The following ACTL6A variants were observed in gnomAD, a reference collection of about 807,000 sequenced individuals.
ACTL6A encodes actin like 6A.
Under a neutral mutation model 59.2 loss-of-function variants are expected in ACTL6A, and 5 were observed. That is an observed-to-expected ratio of 0.08 (90% CI 0.04 to 0.18). The LOEUF (loss-of-function observed/expected upper bound fraction) is 0.18. Ranked by LOEUF, ACTL6A falls within the 10% of genes least tolerant of loss-of-function variation. The pLI, the probability that ACTL6A is intolerant of heterozygous loss-of-function variation, is 1.00. For synonymous variants in ACTL6A, 154 were observed against 171.8 expected (o/e 0.90, Z 0.81); for missense variants, 285 against 526.9 (o/e 0.54, Z 4.49).
At chr3:179,574,493 C>T (rs1718107117) in intron 5 of ACTL6A, 26 bp downstream of exon 5, 1 of 1,422,838 alleles carries the variant, frequency 7.0e-7, no homozygotes, top group Non-Finnish European at 9.9e-7. Context: ...TAATACCTTT[C>T]CTCTTGAAGT....
intron 1 of ACTL6A, among the ~76,000 whole-genome samples, chr3:179,566,956 T>G (rs1184290794): frequency 6.6e-6 from 1 of 152,076 alleles, no homozygotes; most frequent in African/African-American, 2.4e-5. Context: ...CCCAAAGTGT[T>G]GGGCTTACAG....
In ACTL6A at chr3:179,588,088, C is replaced by A; in HGVS notation, c.*78C>A. On this transcript the variant is annotated 3_prime_UTR_variant, in exon 14 of 14. Coordinates refer to ENST00000429709, the MANE Select transcript of ACTL6A (RefSeq NM_004301.5). The stretch of plus-strand genomic sequence containing the variant: ...TTAGTATACTCAGGAAAAGAATGAC[C>A]ATCTTTTGTAGAATGTTTATACATT... The A allele has an allele frequency of 9.2e-7, 1 of 1,084,234 alleles. No individual in the cohort carries two copies. Among genetic ancestry groups the A allele is most frequent in the Non-Finnish European group, 1.3e-6 (1 of 772,030 alleles). The allele number at this position is 1,084,234 out of a possible 1,614,324, so 67.2% of individuals were successfully genotyped here. A position where few individuals can be genotyped will look rare whatever the true frequency, so the allele number is the denominator to read the frequency against.
chr3:179,578,905 A>G (rs1052744162), intron 8 of ACTL6A, among the ~76,000 whole-genome samples: 1 of 152,098 alleles, frequency 6.6e-6, no homozygotes, highest in African/African-American at 2.4e-5. Flanking sequence ...AGCTGGGACT[A>G]CAGGTGTGTG....
At chr3:179,566,237 TGAGA>T (rs760586395) in intron 1 of ACTL6A, among the ~76,000 whole-genome samples, 3 of 151,774 alleles carry the variant, frequency 2.0e-5, no homozygotes, top group African/African-American at 7.3e-5. Flanking sequence ...GGTTAGAGCT[TGAGA>T]GAGAGAGAGA....
intron 4 of ACTL6A, 91 bp from the exon 5 acceptor site, chr3:179,574,279 A>G: frequency 1.4e-6 from 1 of 717,282 alleles, no homozygotes; most frequent in South Asian, 1.7e-5. Context: ...AATGTTTTAT[A>G]TCTTTGTTAA....
At chr3:179,571,142 C>T (rs1015876938) in intron 3 of ACTL6A, among the ~76,000 whole-genome samples, 22 of 152,036 alleles carry the variant, frequency 1.4e-4, no homozygotes, top group Non-Finnish European at 1.0e-4. Flanking sequence ...GTTGGCCATG[C>T]GTGGTGGCTC....
In ACTL6A at chr3:179,570,266, G is replaced by T. The variant is rs1222607749; in HGVS notation, c.277+25G>T. 1 of 1,592,286 alleles carries T rather than the reference G, an allele frequency of 6.3e-7. No homozygotes were observed. The highest frequency in any genetic ancestry group is 1.1e-5 in the South Asian group (1 of 89,064). ...GGTATGATGTTTTCCCCATGGAATT[G>T]ATTATGGAGTGTACATGTTATATTT... On this transcript the variant is annotated intron_variant, in intron 3 of 13. Transcript: ENST00000429709. The surrounding 1 kb of genome is among the most constrained non-coding windows in gnomAD (Gnocchi z 4.3).
intron 3 of ACTL6A, among the ~76,000 whole-genome samples, chr3:179,572,383 T>C (rs988657904): frequency 1.3e-5 from 2 of 152,236 alleles, no homozygotes; most frequent in African/African-American, 4.8e-5. Flanking sequence ...TGGAAATATA[T>C]AATTAATGAC....
At chr3:179,576,988 C>A in intron 8 of ACTL6A, 75 bp downstream of exon 8, 1 of 1,156,502 alleles carries the variant, frequency 8.6e-7, no homozygotes, top group Non-Finnish European at 1.2e-6. Flanking sequence ...TATATATAGG[C>A]TGTAAATCCT....
At chr3:179,581,247 T>G in intron 11 of ACTL6A, 27 bp downstream of exon 11, 7 of 1,576,760 alleles carry the variant, frequency 4.4e-6, no homozygotes, top group Non-Finnish European at 6.1e-6. Flanking sequence ...TGTTACGGTT[T>G]AAAGGTATCT....
chr3:179,563,239 T>A (rs1717721538), intron 1 of ACTL6A, 122 bp downstream of exon 1: 1 of 1,394,992 alleles, frequency 7.2e-7, no homozygotes, highest in Non-Finnish European at 9.5e-7. Flanking sequence ...GACCCCGGCC[T>A]CCCCGCCCCG....
At chr3:179,580,823 C>A in intron 9 of ACTL6A, 71 bp from the exon 10 acceptor site, 2 of 1,418,278 alleles carry the variant, frequency 1.4e-6, no homozygotes, top group Non-Finnish European at 1.9e-6. Flanking sequence ...GTTTATAATT[C>A]CCTAGTAGTT....
chr3:179,579,106 T>C (rs1718255783), intron 8 of ACTL6A, among the ~76,000 whole-genome samples: 1 of 152,202 alleles, frequency 6.6e-6, no homozygotes, highest in Non-Finnish European at 1.5e-5. Flanking sequence ...GGTGTATCAT[T>C]GGGGTTTTGA....
At chr3:179,583,225 A>G (rs1369365073) in intron 11 of ACTL6A, 128 bp from the exon 12 acceptor site, 5 of 670,336 alleles carry the variant, frequency 7.5e-6, no homozygotes, top group East Asian at 2.7e-5. Flanking sequence ...TTAGTTCTAT[A>G]TAATAGTAAA....
intron 11 of ACTL6A, among the ~76,000 whole-genome samples, chr3:179,581,514 A>G (rs1385894872): frequency 1.3e-5 from 2 of 152,354 alleles, no homozygotes; most frequent in East Asian, 1.9e-4. Context: ...AAATGTGGCT[A>G]GTGGCTGCAT....
intron 8 of ACTL6A, among the ~76,000 whole-genome samples, chr3:179,579,970 G>A (rs946164719): frequency 5.3e-5 from 8 of 151,958 alleles, no homozygotes; most frequent in African/African-American, 9.7e-5. Flanking sequence ...ACAGTGTCTC[G>A]CTATGTTGCC....
At chr3:179,574,632 C>T (rs998235731) in intron 5 of ACTL6A, 165 bp downstream of exon 5, 12 of 608,748 alleles carry the variant, frequency 2.0e-5, no homozygotes, top group Non-Finnish European at 3.6e-5. Flanking sequence ...CTTGTTAGAA[C>T]TGATGATACA....
At chr3:179,576,585 A>C (rs1718172984) in intron 6 of ACTL6A, 35 bp from the exon 7 acceptor site, 2 of 1,526,806 alleles carry the variant, frequency 1.3e-6, no homozygotes, top group African/African-American at 2.8e-5. Context: ...GTTTGGACTT[A>C]CTGCCCTCTT....
At chr3:179,577,195 C>CA (rs1342943259) in intron 8 of ACTL6A, among the ~76,000 whole-genome samples, 2 of 152,094 alleles carry the variant, frequency 1.3e-5, no homozygotes, top group Non-Finnish European at 2.9e-5. Context: ...ACTACATACT[C>CA]ACTTGGATTA....
Sources: allele counts gnomAD v4.1 joint callset (sites outside exome capture counted in the v4.1 genomes callset), GRCh38; gene constraint gnomAD v4.1.1; non-coding constraint Gnocchi (gnomAD v3.1); transcripts MANE v1.5; gene names NCBI Gene and HGNC (gene_info 2026-07-23, HGNC 2026-07-21).